Variants in CTNNA3 observed in about 807,000 individuals in gnomAD.
CTNNA3 encodes catenin alpha-3.
CTNNA3 carries 76 observed loss-of-function variants against 95.7 expected under a neutral mutation model. That is an observed-to-expected ratio of 0.79 (90% CI 0.66 to 0.96). The LOEUF (loss-of-function observed/expected upper bound fraction) is 0.96, where lower values mean the gene tolerates loss of function less well. Among genes scored for constraint, CTNNA3 ranks in the 40% least tolerant of loss-of-function variants. CTNNA3 has a pLI of 0.00. For synonymous variants in CTNNA3, 431 were observed against 374.4 expected, an observed-to-expected ratio of 1.15 and a Z score of -1.74; for missense variants, 1,191 against 1,089.8, an observed-to-expected ratio of 1.09 and a Z score of -1.31.
At chr10:67,655,759 T>A (rs1260022718) in intron 1 of CTNNA3, among the ~76,000 whole-genome samples, 2 of 138,660 alleles carry the variant, frequency 1.4e-5, no homozygotes, top group African/African-American at 5.5e-5. Context: ...TAGAAGATCG[T>A]GAAACAGAGC....
chr10:66,023,489 GTCTC>G (rs560708339), intron 15 of CTNNA3, among the ~76,000 whole-genome samples: 48 of 152,210 alleles, frequency 3.2e-4, no homozygotes, highest in African/African-American at 1.0e-3. Context: ...TTAGCACCTG[GTCTC>G]TCTATTTCCA....
At chr10:67,544,979 T>G (rs963205689) in intron 3 of CTNNA3, among the ~76,000 whole-genome samples, 2 of 152,208 alleles carry the variant, frequency 1.3e-5, no homozygotes, top group African/African-American at 4.8e-5. Flanking sequence ...AGCCAGTCAC[T>G]GAGCGCTGCA....
intron 15 of CTNNA3, among the ~76,000 whole-genome samples, chr10:66,036,607 C>T (rs988758654): frequency 5.9e-5 from 9 of 151,968 alleles, no homozygotes; most frequent in Non-Finnish European, 1.3e-4. Flanking sequence ...AACTCCTGGC[C>T]TCAGGTGATC....
rs146764802 is a variant in CTNNA3, at chr10:66,928,001, G to A, written c.1048-152477C>T. On this transcript the variant is annotated intron_variant, in intron 7 of 17. Transcript: ENST00000433211. ...GCAGTGAAGAACTACAGCATCTGTG[G>A]CAAAAGTACTACAGAGAGGTTTGAT... 176 of 1,614,074 alleles carry A rather than the reference G, an allele frequency of 1.1e-4. No individual in the cohort carries two copies. Among genetic ancestry groups the A allele is most frequent in the Admixed American group, 2.2e-4 (13 of 60,012 alleles).
intron 2 of CTNNA3, among the ~76,000 whole-genome samples, chr10:67,628,541 C>T (rs1267115366): frequency 6.6e-6 from 1 of 151,976 alleles, no homozygotes; most frequent in Admixed American, 6.6e-5. Context: ...CCCAAAGACC[C>T]CTGAAGTATC....
chr10:66,486,912 C>A (rs369578857), intron 11 of CTNNA3, among the ~76,000 whole-genome samples: 1 of 151,738 alleles, frequency 6.6e-6, no homozygotes. Flanking sequence ...TACACGGACC[C>A]GAAATACATT....
chr10:66,304,847 T>C (rs2091911367), intron 12 of CTNNA3, among the ~76,000 whole-genome samples: 1 of 152,200 alleles, frequency 6.6e-6, no homozygotes. Flanking sequence ...GAGGTAAGGT[T>C]AAGTACATAG....
At chr10:66,115,959 G>T (rs2133798781) in intron 13 of CTNNA3, among the ~76,000 whole-genome samples, 1 of 152,088 alleles carries the variant, frequency 6.6e-6, no homozygotes, top group East Asian at 1.9e-4. Context: ...CTGGATTGAA[G>T]TTTGCTTTAT....
intron 6 of CTNNA3, 89 bp from the exon 7 acceptor site, chr10:67,180,609 T>C: frequency 9.5e-7 from 1 of 1,058,074 alleles, no homozygotes; most frequent in Non-Finnish European, 1.4e-6. Context: ...GCATTTAGAA[T>C]TCAGATGTGA....
chr10:66,932,475 T>G (rs1436601842), intron 7 of CTNNA3, among the ~76,000 whole-genome samples: 17 of 152,142 alleles, frequency 1.1e-4, no homozygotes, highest in Admixed American at 1.1e-3. Context: ...CATCTATTCC[T>G]TTTTGCTCTG....
chr10:67,521,335 TA>T (rs1241103305), intron 5 of CTNNA3, among the ~76,000 whole-genome samples: 1 of 152,204 alleles, frequency 6.6e-6, no homozygotes, highest in Admixed American at 6.5e-5. Context: ...ATTTGAAAAG[TA>T]AATCTTCCTT....
At chr10:67,270,727 A>G (rs1403398303) in intron 5 of CTNNA3, among the ~76,000 whole-genome samples, 1 of 152,198 alleles carries the variant, frequency 6.6e-6, no homozygotes, top group African/African-American at 2.4e-5. Flanking sequence ...AACTTCTATT[A>G]AAGTCAATAC....
chr10:66,503,334 A>C (rs549725330), intron 11 of CTNNA3, among the ~76,000 whole-genome samples: 2 of 152,342 alleles, frequency 1.3e-5, no homozygotes, highest in East Asian at 3.9e-4. Context: ...AAATGAGTAC[A>C]TGAATAAATA....
At chr10:66,619,462 CA>C (rs34689556) in intron 10 of CTNNA3, among the ~76,000 whole-genome samples, 3,390 of 111,842 alleles carry the variant, frequency 0.03, 445 homozygotes, top group African/African-American at 0.096. Flanking sequence ...GTCGCAAGGA[CA>C]AAAAAAACAA....
At chr10:67,075,738 G>A (rs2764813) in intron 7 of CTNNA3, among the ~76,000 whole-genome samples, 87,775 of 152,032 alleles carry the variant, frequency 0.58, 25,767 homozygotes, top group Middle Eastern at 0.7. Flanking sequence ...CTAAAAGCAT[G>A]CTTCTGGAGT....
intron 5 of CTNNA3, among the ~76,000 whole-genome samples, chr10:67,267,318 C>G (rs1025502500): frequency 6.6e-5 from 10 of 151,750 alleles, no homozygotes; most frequent in Admixed American, 4.6e-4. Context: ...GGAAGAAGTT[C>G]TGTGTGTGTG....
chr10:66,898,712 G>T (rs1845601949), intron 7 of CTNNA3, among the ~76,000 whole-genome samples: 1 of 152,030 alleles, frequency 6.6e-6, no homozygotes, highest in Non-Finnish European at 1.5e-5. Flanking sequence ...ACTCAAAATA[G>T]ATTACAGATT....
intron 9 of CTNNA3, among the ~76,000 whole-genome samples, chr10:66,668,915 A>G (rs1846558859): frequency 6.6e-6 from 1 of 152,126 alleles, no homozygotes; most frequent in Non-Finnish European, 1.5e-5. Context: ...TAAAAACACA[A>G]TGACTACTTG....
intron 16 of CTNNA3, among the ~76,000 whole-genome samples, chr10:65,982,651 T>C (rs2078343661): frequency 6.6e-6 from 1 of 150,802 alleles, no homozygotes; most frequent in African/African-American, 2.4e-5. Flanking sequence ...TATACATATA[T>C]ATATATAAAT....
Sources: gnomAD v4.1 joint callset for allele counts (sites outside exome capture counted in the v4.1 genomes callset) on GRCh38, gnomAD v4.1.1 for gene constraint, MANE v1.5 for transcripts, NCBI Gene and HGNC (gene_info 2026-07-23, HGNC 2026-07-21) for gene names.